SEC63: variants seen among roughly 807,000 people sequenced by gnomAD.
The protein encoded by SEC63 is translocation protein SEC63 homolog.
In SEC63, 56 loss-of-function variants were observed where a neutral mutation model predicts 116.2. The ratio of observed to expected loss-of-function variants is 0.48; its 90% CI spans 0.39 to 0.60. The LOEUF is 0.60. Ranked by LOEUF, SEC63 falls within the 20% of genes least tolerant of loss-of-function variation. The probability of loss-of-function intolerance (pLI) is 0.00; values close to 1 mark genes in which losing one functional copy is unlikely to be tolerated. For missense variants in SEC63, 668 were observed against 900.0 expected (o/e 0.74, Z 3.30); for synonymous variants, 273 against 294.6 (o/e 0.93, Z 0.75).
At chr6:107,874,008 T>G (rs906997265) in intron 19 of SEC63, among the ~76,000 whole-genome samples, 5 of 152,184 alleles carry the variant, frequency 3.3e-5, no homozygotes, top group Non-Finnish European at 7.3e-5. Flanking sequence ...TGTTGGAGAA[T>G]AGGACATTCA....
At chr6:107,874,595 C>CAAAAAA (rs35096526) in intron 19 of SEC63, among the ~76,000 whole-genome samples, 18 of 64,196 alleles carry the variant, frequency 2.8e-4, no homozygotes, top group East Asian at 4.1e-4. Flanking sequence ...GACTCTGTCT[C>CAAAAAA]AAAAAAAAAA....
At position 107,871,680 on chromosome 6, in the gene SEC63, A is replaced by G. The variant is rs1262061519; in HGVS notation, c.*24T>C. On this transcript the variant is annotated 3_prime_UTR_variant, in exon 21 of 21. Transcript: ENST00000369002. The stretch of plus-strand genomic sequence containing the variant: ...CAAAAAATTGCAAATATGTGCAAAC[A>G]CTGTGGTCCATTCAGAGTACTGCTT... The G allele has an allele frequency of 2.5e-6, 4 of 1,611,076 alleles. No homozygotes were observed. The highest frequency in any genetic ancestry group is 3.4e-6 in the Non-Finnish European group (4 of 1,179,380).
intron 6 of SEC63, among the ~76,000 whole-genome samples, 155 bp downstream of exon 6, chr6:107,912,561 G>A (rs1442839796): frequency 1.3e-5 from 2 of 152,166 alleles, no homozygotes; most frequent in Non-Finnish European, 2.9e-5. Flanking sequence ...CTCCTGCCTG[G>A]GCAATAGAGC....
chr6:107,939,138 C>G (rs765363764), intron 1 of SEC63, among the ~76,000 whole-genome samples: 1 of 151,958 alleles, frequency 6.6e-6, no homozygotes, highest in Admixed American at 6.6e-5. Context: ...TAAAAATTAC[C>G]TGGGAGTGGT....
intron 19 of SEC63, among the ~76,000 whole-genome samples, chr6:107,875,577 T>C (rs539476990): frequency 2.6e-4 from 40 of 151,908 alleles, no homozygotes; most frequent in African/African-American, 9.4e-4. Flanking sequence ...TTTTACGGGG[T>C]GCACGTATGT....
At chr6:107,917,422 T>C (rs570750173) in intron 4 of SEC63, among the ~76,000 whole-genome samples, 1 of 152,164 alleles carries the variant, frequency 6.6e-6, no homozygotes, top group African/African-American at 2.4e-5. Flanking sequence ...AGGGTCTCCC[T>C]GACCGAGCTG....
At chr6:107,887,672 G>A (rs1299458339) in intron 16 of SEC63, among the ~76,000 whole-genome samples, 8 of 151,564 alleles carry the variant, frequency 5.3e-5, no homozygotes, top group Non-Finnish European at 7.4e-5. Flanking sequence ...TGGGTGCAGC[G>A]CACCAGCATG....
rs1485567950 is a variant in SEC63 at position 107,911,394 on chromosome 6, A to G, written c.576T>C (p.Val192=). The G allele has an allele frequency of 6.2e-7, 1 of 1,600,730 alleles. No homozygotes were observed. The highest frequency in any genetic ancestry group is 8.6e-7 in the Non-Finnish European group (1 of 1,168,188). ...TAAATGCCAATCCATATACAAGTAA[A>G]ACCTAAAATTGAAGAGAAAAAGAAT... The part of the protein sequence containing the change: ...WIVDQKNSIL[V]LLVYGLAFMV... Residue 192 remains valine, a splice_region_variant and synonymous_variant, in exon 7 of 21, where the codon GTT becomes GTC. Coordinates refer to ENST00000369002, the MANE Select transcript of SEC63 (RefSeq NM_007214.5).
intron 16 of SEC63, among the ~76,000 whole-genome samples, chr6:107,885,123 T>A (rs1205404591): frequency 6.6e-6 from 1 of 152,058 alleles, no homozygotes; most frequent in South Asian, 2.1e-4. Context: ...GTTCCTACTA[T>A]CATCACTCTG....
intron 11 of SEC63, 117 bp from the exon 12 acceptor site, chr6:107,903,115 C>T: frequency 9.7e-7 from 1 of 1,028,488 alleles, no homozygotes; most frequent in Non-Finnish European, 1.5e-6. Flanking sequence ...ATTTGAGGAT[C>T]ATAGTAAGAT....
Position 107,893,485 on chromosome 6 carries a change from C to A in SEC63, c.1671G>T (p.Gly557=). The A allele has an allele frequency of 6.2e-7, 1 of 1,612,004 alleles. No individual in the cohort carries two copies. The highest frequency in any genetic ancestry group is 2.2e-5 in the East Asian group (1 of 44,882). Residue 557 remains glycine, a synonymous_variant, in exon 16 of 21, where the codon GGG becomes GGT. Coordinates refer to ENST00000369002, the MANE Select transcript of SEC63 (RefSeq NM_007214.5). ...QKQKQANGVV[G]NEAAVKEDEE... ...ATAACGATAATAATAAACTTACATT[C>A]CCAACGACTCCATTTGCCTGCTTTT...
chr6:107,954,007 G>T (rs538630976), intron 1 of SEC63, among the ~76,000 whole-genome samples: 1 of 152,332 alleles, frequency 6.6e-6, no homozygotes, highest in South Asian at 2.1e-4. Flanking sequence ...TGACAATGGC[G>T]GTTTTGTGGA....
At chr6:107,900,361 AC>A (rs962756574) in intron 13 of SEC63, among the ~76,000 whole-genome samples, 1 of 150,958 alleles carries the variant, frequency 6.6e-6, no homozygotes, top group African/African-American at 2.4e-5. Flanking sequence ...AAAGACACAA[AC>A]CAGGCACGGT....
intron 1 of SEC63, among the ~76,000 whole-genome samples, chr6:107,942,738 GTTGA>G (rs1278819900): frequency 3.3e-5 from 5 of 152,142 alleles, no homozygotes; most frequent in African/African-American, 1.2e-4. Context: ...AACATACACA[GTTGA>G]TTAACACATA....
chr6:107,913,832 G>T (rs1787340022), intron 4 of SEC63, among the ~76,000 whole-genome samples: 2 of 152,136 alleles, frequency 1.3e-5, no homozygotes, highest in Non-Finnish European at 2.9e-5. Flanking sequence ...TTATACATTA[G>T]TAATGATAAA....
At chr6:107,933,988 G>T (rs1429986460) in intron 1 of SEC63, among the ~76,000 whole-genome samples, 1 of 152,256 alleles carries the variant, frequency 6.6e-6, no homozygotes, top group Non-Finnish European at 1.5e-5. Context: ...CTCCCGAGGT[G>T]CCGGGTTTGC....
chr6:107,909,094 G>C, intron 7 of SEC63, 59 bp from the exon 8 acceptor site: 2 of 1,173,936 alleles, frequency 1.7e-6, no homozygotes, highest in Non-Finnish European at 2.5e-6. Context: ...TAGGCTGGGC[G>C]AGATGGCTCA....
intron 13 of SEC63, 21 bp from the exon 14 acceptor site, chr6:107,897,752 A>T: frequency 6.6e-7 from 1 of 1,510,054 alleles, no homozygotes; most frequent in Non-Finnish European, 9.2e-7. Context: ...GGAAGAAAAA[A>T]AACAGCAAAA....
rs571064331 is a variant in SEC63 at position 107,903,991 on chromosome 6, G to A, written c.1054+638C>T. 1.8e-3 allele frequency among the ~76,000 whole-genome samples: 280 copies of A among 151,738 alleles called. 1 individual carries two copies. The highest frequency in any genetic ancestry group is 6.1e-3 in the African/African-American group (253 of 41,354). On this transcript the variant is annotated intron_variant, in intron 11 of 20. Transcript: ENST00000369002. The stretch of plus-strand genomic sequence containing the variant: ...AAATTAGCCGGGCGTGGTGGCATGC[G>A]CCTGTAATGCCAGCTACTCAGGAGG...
Sources: gnomAD v4.1 joint callset for allele counts (sites outside exome capture counted in the v4.1 genomes callset) on GRCh38, gnomAD v4.1.1 for gene constraint, MANE v1.5 for transcripts, NCBI Gene and HGNC (gene_info 2026-07-23, HGNC 2026-07-21) for gene names.